Variants in GLIPR1L1 observed in about 807,000 individuals in gnomAD.
The protein encoded by GLIPR1L1 is GLIPR1 like 1.
In GLIPR1L1, 26 loss-of-function variants were observed where a neutral mutation model predicts 29.9. That is an observed-to-expected ratio of 0.87 (90% CI 0.64 to 1.21). GLIPR1L1 has a LOEUF of 1.21. Ranked by LOEUF, GLIPR1L1 falls within the 50% of genes most tolerant of loss-of-function variation. GLIPR1L1 has a pLI of 0.00. For missense variants in GLIPR1L1, 305 were observed against 290.3 expected, an observed-to-expected ratio of 1.05 and a Z score of -0.37; for synonymous variants, 77 against 97.5, an observed-to-expected ratio of 0.79 and a Z score of 1.24.
chr12:75,350,014 C>T (rs547002195), intron 3 of GLIPR1L1, among the ~76,000 whole-genome samples: 1 of 152,332 alleles, frequency 6.6e-6, no homozygotes, highest in South Asian at 2.1e-4. Flanking sequence ...GGGTGCCCAC[C>T]ACCACTGTGG....
chr12:75,339,451 C>G (rs2041955631), intron 1 of GLIPR1L1, among the ~76,000 whole-genome samples: 1 of 151,516 alleles, frequency 6.6e-6, no homozygotes, highest in Admixed American at 6.6e-5. Context: ...TGGGGTTGTT[C>G]TTTAAATTTA....
intron 1 of GLIPR1L1, 53 bp from the exon 2 acceptor site, chr12:75,343,640 A>T: frequency 1.5e-6 from 2 of 1,337,836 alleles, no homozygotes; most frequent in Non-Finnish European, 2.0e-6. Flanking sequence ...AATTAGAATA[A>T]TTTAATGCAA....
chr12:75,348,515 A>G (rs1470658276), intron 3 of GLIPR1L1, among the ~76,000 whole-genome samples: 1 of 152,218 alleles, frequency 6.6e-6, no homozygotes, highest in African/African-American at 2.4e-5. Flanking sequence ...GAGAAATTAT[A>G]AAACTACTGA....
At chr12:75,369,916 T>C in intron 4 of GLIPR1L1, 44 bp from the exon 5 acceptor site, 2 of 1,278,556 alleles carry the variant, frequency 1.6e-6, no homozygotes, top group Non-Finnish European at 2.1e-6. Flanking sequence ...TATGTTTTCT[T>C]GTTTTATAAC....
At chr12:75,338,590 AT>A (rs113010335) in intron 1 of GLIPR1L1, among the ~76,000 whole-genome samples, 18 of 148,616 alleles carry the variant, frequency 1.2e-4, no homozygotes, top group East Asian at 3.9e-4. Context: ...TGGAAAAGTT[AT>A]TTTTTTTTTC....
intron 3 of GLIPR1L1, among the ~76,000 whole-genome samples, chr12:75,362,551 T>C (rs1315623266): frequency 6.6e-6 from 1 of 152,212 alleles, no homozygotes; most frequent in Non-Finnish European, 1.5e-5. Context: ...ATACTACTCA[T>C]GTTGTTATGT....
chr12:75,344,451 G>A (rs1312450202), intron 2 of GLIPR1L1, among the ~76,000 whole-genome samples: 1 of 151,938 alleles, frequency 6.6e-6, no homozygotes, highest in African/African-American at 2.4e-5. Flanking sequence ...GCACCTTAAA[G>A]TTTGTATCTC....
chr12:75,339,412 T>C (rs2041953851), intron 1 of GLIPR1L1, among the ~76,000 whole-genome samples: 1 of 152,180 alleles, frequency 6.6e-6, no homozygotes, highest in South Asian at 2.1e-4. Flanking sequence ...TTGAGAAGTG[T>C]CTGTTCATGT....
At chr12:75,339,243 T>TC (rs149340286) in intron 1 of GLIPR1L1, among the ~76,000 whole-genome samples, 89 of 152,324 alleles carry the variant, frequency 5.8e-4, no homozygotes, top group Middle Eastern at 3.4e-3. Flanking sequence ...TTCCTTTTTT[T>TC]CCCGCAACAC....
Position 75,363,774 on chromosome 12 carries a change from A to T in GLIPR1L1, c.610+584A>T, listed in dbSNP as rs369492599. 3.9e-5 allele frequency among the ~76,000 whole-genome samples: 6 copies of T among 152,196 alleles called. No individual in the cohort carries two copies. The East Asian group carries it at 1.2e-3, about 29-fold the overall frequency. ...ATGAGTGACCAATGGCCTGTGAGAC[A>T]GCCCTCAGGAGACCCTGAGAACATG... On this transcript the variant is annotated intron_variant, in intron 4 of 5. Transcript: ENST00000378695.
chr12:75,361,896 T>C (rs979080428), intron 3 of GLIPR1L1, among the ~76,000 whole-genome samples: 5 of 152,114 alleles, frequency 3.3e-5, no homozygotes, highest in Non-Finnish European at 5.9e-5. Context: ...ACCATATCAA[T>C]AGACCTAAAT....
At chr12:75,351,205 G>A (rs2139439617) in intron 3 of GLIPR1L1, among the ~76,000 whole-genome samples, 1 of 152,314 alleles carries the variant, frequency 6.6e-6, no homozygotes, top group Non-Finnish European at 1.5e-5. Context: ...TTGAACCTAT[G>A]ACTGATTGGG....
chr12:75,337,278 G>T (rs957551589), intron 1 of GLIPR1L1, among the ~76,000 whole-genome samples: 14 of 151,444 alleles, frequency 9.2e-5, no homozygotes, highest in Admixed American at 6.6e-4. Context: ...GAAAGTAAAA[G>T]TATGAGGACT....
chr12:75,345,519 G>A (rs147262641), intron 2 of GLIPR1L1, among the ~76,000 whole-genome samples: 3 of 152,150 alleles, frequency 2.0e-5, no homozygotes, highest in Non-Finnish European at 2.9e-5. Context: ...AATATATAGG[G>A]TCTTAAAGCA....
intron 3 of GLIPR1L1, among the ~76,000 whole-genome samples, chr12:75,355,778 C>A (rs2043117876): frequency 6.6e-6 from 1 of 152,126 alleles, no homozygotes; most frequent in South Asian, 2.1e-4. Flanking sequence ...ACATATACAA[C>A]ATGGAATACT....
chr12:75,339,979 C>G (rs1215873379), intron 1 of GLIPR1L1, among the ~76,000 whole-genome samples: 2 of 152,064 alleles, frequency 1.3e-5, no homozygotes, highest in Non-Finnish European at 2.9e-5. Flanking sequence ...TTAGCTCCCA[C>G]TTAGAAGTGA....
At position 75,370,218 on chromosome 12, in the gene GLIPR1L1, A is replaced by G; in HGVS notation, c.*42A>G. On this transcript the variant is annotated 3_prime_UTR_variant, in exon 6 of 6. Transcript: ENST00000378695. ...AAGAAATTCTCAAATGTTAAAATAA[A>G]GGAATAGTTTATTGCTTAATATAAC... 1 of 1,042,870 alleles carries G rather than the reference A, an allele frequency of 9.6e-7. No individual in the cohort carries two copies. The highest frequency in any genetic ancestry group is 1.3e-5 in the South Asian group (1 of 77,316). The allele number at this position is 1,042,870 out of a possible 1,614,324, so 64.6% of individuals were successfully genotyped here.
chr12:75,343,910 G>T lies in GLIPR1L1; in HGVS notation c.392G>T (p.Cys131Phe), dbSNP rs757132419. 3 of 1,610,602 alleles carry T rather than the reference G, an allele frequency of 1.9e-6. No homozygotes were observed. In the South Asian group the frequency reaches 3.3e-5, roughly 18 times the overall value. The change falls in exon 2 of 6, where the codon TGC becomes TTC. Residue 131 changes from cysteine to phenylalanine, a missense_variant. Coordinates refer to ENST00000378695, the MANE Select transcript of GLIPR1L1 (RefSeq NM_001304964.2). Reference protein sequence around the residue: ...TQFYDFDSLSCSRVCGHYTQL... With the variant: ...TQFYDFDSLSFSRVCGHYTQL... ...TTTTATGATTTTGATAGTCTATCAT[G>T]CTCCAGAGTCTGTGGCCATTATACA...
rs942761882 is a variant in GLIPR1L1, at chr12:75,347,795, A to C, written c.521+73A>C. Reference sequence around the variant, plus strand: ...GATGGTTGCCAAATAAGAGGACCTTATACTAGACACAAGTGTATTTTTGAT... The same window carrying C: ...GATGGTTGCCAAATAAGAGGACCTTCTACTAGACACAAGTGTATTTTTGAT... On this transcript the variant is annotated intron_variant, in intron 3 of 5. Coordinates refer to ENST00000378695, the MANE Select transcript of GLIPR1L1 (RefSeq NM_001304964.2). The C allele has an allele frequency of 4.4e-5, 37 of 847,824 alleles. 1 individual carries two copies. Among genetic ancestry groups the C allele is most frequent in the Admixed American group, 2.8e-4 (14 of 49,828 alleles). The allele number at this position is 847,824 out of a possible 1,614,324, so 52.5% of individuals were successfully genotyped here.
Sources: allele counts gnomAD v4.1 joint callset (sites outside exome capture counted in the v4.1 genomes callset), GRCh38; gene constraint gnomAD v4.1.1; transcripts MANE v1.5; gene names NCBI Gene and HGNC (gene_info 2026-07-23, HGNC 2026-07-21).